Variants in PAX5 observed in about 807,000 individuals in gnomAD.
The protein encoded by PAX5 is paired box 5.
A neutral mutation model predicts 43.7 loss-of-function variants in PAX5; 9 were observed. That is an observed-to-expected ratio of 0.21 (90% CI 0.12 to 0.36). PAX5 has a LOEUF of 0.36. Ranked by LOEUF, PAX5 falls within the 10% of genes least tolerant of loss-of-function variation. The pLI is 1.00. For synonymous variants in PAX5, 228 were observed against 214.3 expected (o/e 1.06, Z -0.56); for missense variants, 383 against 532.7 (o/e 0.72, Z 2.77).
At chr9:36,949,819 C>T (rs1232898062) in intron 6 of PAX5, among the ~76,000 whole-genome samples, 4 of 152,310 alleles carry the variant, frequency 2.6e-5, no homozygotes, top group South Asian at 4.1e-4. Context: ...CCTACCACAG[C>T]ATCTCCTCAG....
intron 8 of PAX5, among the ~76,000 whole-genome samples, chr9:36,854,245 A>C (rs1302144044): frequency 6.6e-6 from 1 of 152,222 alleles, no homozygotes; most frequent in Non-Finnish European, 1.5e-5. Flanking sequence ...TTGCGGGACC[A>C]AACTGTTGAC....
intron 3 of PAX5, among the ~76,000 whole-genome samples, chr9:37,008,677 T>C (rs1355513768): frequency 6.6e-6 from 1 of 152,174 alleles, no homozygotes; most frequent in African/African-American, 2.4e-5. Context: ...CCTGGCTACT[T>C]GAGCTCAGCA....
intron 7 of PAX5, among the ~76,000 whole-genome samples, chr9:36,892,697 C>T (rs1827506419): frequency 6.6e-6 from 1 of 152,198 alleles, no homozygotes; most frequent in Admixed American, 6.5e-5. Flanking sequence ...CAAGATATTT[C>T]ATGGGAAGGA....
Position 36,869,576 on chromosome 9 carries a change from CTG to C in PAX5, c.1012+12426_1012+12427del, listed in dbSNP as rs1315654651. On this transcript the variant is annotated intron_variant, in intron 8 of 9. Coordinates refer to ENST00000358127, the MANE Select transcript of PAX5 (RefSeq NM_016734.3). ...TACTGTACAGAGATTCCAAGCCCCT[CTG>C]TGTCTGACATCCCCAGTCTAGGCTC... Among the ~76,000 whole-genome samples the C allele has an allele frequency of 6.6e-5, 10 of 152,368 alleles. No individual in the cohort carries two copies. The East Asian group carries it at 1.9e-3, about 29-fold the overall frequency.
In PAX5 at chr9:36,923,106, C is replaced by G. The variant is rs923059395; in HGVS notation, c.910+249G>C. 8 of 449,436 alleles carry G rather than the reference C, an allele frequency of 1.8e-5. No individual in the cohort carries two copies. In the Admixed American group the frequency reaches 2.6e-4, roughly 14 times the overall value. 27.8% of individuals were successfully genotyped at this position (449,436 alleles called of 1,614,324 possible). The stretch of plus-strand genomic sequence containing the variant: ...GGCATGAGGTTTCCTGCCCCCTACC[C>G]CAAGTCCCCTCCAGCCCACAGTCCA... On this transcript the variant is annotated intron_variant, in intron 7 of 9. Transcript: ENST00000358127.
Position 36,979,347 on chromosome 9 carries a change from C to G in PAX5, c.605-12623G>C, listed in dbSNP as rs76300525. Among the ~76,000 whole-genome samples the G allele has an allele frequency of 6.6e-3, 1,002 of 152,306 alleles. 9 individuals are homozygous for G. The highest frequency in any genetic ancestry group is 0.023 in the African/African-American group (940 of 41,554). Reference sequence around the variant, plus strand: ...ACAAGCACAAATTATAAGAAGGGCTCTTCATTATTCATGGAAGCACAATTA... The same window carrying G: ...ACAAGCACAAATTATAAGAAGGGCTGTTCATTATTCATGGAAGCACAATTA... On this transcript the variant is annotated intron_variant, in intron 5 of 9. Transcript: ENST00000358127.
chr9:36,839,205 C>G lies in PAX5; in HGVS notation c.*1355G>C. 4.3e-6 allele frequency: 1 copy of G among 233,654 alleles called. No individual in the cohort carries two copies. The highest frequency in any genetic ancestry group is 6.0e-5 in the East Asian group (1 of 16,592). The allele number at this position is 233,654 out of a possible 1,614,324, so 14.5% of individuals were successfully genotyped here. A position where few individuals can be genotyped will look rare whatever the true frequency, so the allele number is the denominator to read the frequency against. Reference sequence around the variant, plus strand: ...CCTCCCTCAGGAGGCCTTCCTCTGTCCCCCAGATCTTCCCTGCTGGCTTCC... The same window carrying G: ...CCTCCCTCAGGAGGCCTTCCTCTGTGCCCCAGATCTTCCCTGCTGGCTTCC... On this transcript the variant is annotated 3_prime_UTR_variant, in exon 10 of 10. Transcript: ENST00000358127.
At chr9:36,963,734 T>C (rs1834169673) in intron 6 of PAX5, among the ~76,000 whole-genome samples, 1 of 152,166 alleles carries the variant, frequency 6.6e-6, no homozygotes, top group Non-Finnish European at 1.5e-5. Context: ...TGAGTCTCCA[T>C]GACGGTCATG....
chr9:36,920,127 T>C (rs1830047557), intron 7 of PAX5, among the ~76,000 whole-genome samples: 1 of 152,174 alleles, frequency 6.6e-6, no homozygotes, highest in African/African-American at 2.4e-5. Context: ...AGAAAGTGGT[T>C]TCTTAAGATG....
At chr9:36,910,295 G>C (rs1829160233) in intron 7 of PAX5, among the ~76,000 whole-genome samples, 1 of 151,978 alleles carries the variant, frequency 6.6e-6, no homozygotes, top group Non-Finnish European at 1.5e-5. Flanking sequence ...TTACGCAAAG[G>C]CAGCATGCTG....
intron 4 of PAX5, among the ~76,000 whole-genome samples, chr9:37,003,095 A>G (rs1316772042): frequency 6.8e-6 from 1 of 146,646 alleles, no homozygotes; most frequent in Non-Finnish European, 1.5e-5. Flanking sequence ...CCATGGATGC[A>G]GGAAGCAGGG....
chr9:36,994,120 A>G (rs1837185484), intron 5 of PAX5, among the ~76,000 whole-genome samples: 1 of 152,166 alleles, frequency 6.6e-6, no homozygotes, highest in African/African-American at 2.4e-5. Flanking sequence ...GCACTAGGGA[A>G]AGGCCCCAGG....
chr9:36,953,933 C>T (rs370796769), intron 6 of PAX5, among the ~76,000 whole-genome samples: 7 of 152,068 alleles, frequency 4.6e-5, no homozygotes, highest in African/African-American at 1.7e-4. Context: ...ATTAGCCAGG[C>T]GTGGTGGTGC....
At chr9:36,870,858 C>CA (rs753855219) in intron 8 of PAX5, among the ~76,000 whole-genome samples, 16 of 152,240 alleles carry the variant, frequency 1.1e-4, no homozygotes, top group Non-Finnish European at 2.2e-4. Flanking sequence ...CATTGGGCCC[C>CA]AAGCCCCTCA....
intron 9 of PAX5, among the ~76,000 whole-genome samples, chr9:36,841,760 C>T (rs1822075936): frequency 1.3e-5 from 2 of 152,214 alleles, no homozygotes; most frequent in Admixed American, 6.5e-5. Context: ...ATTCACCACT[C>T]ATTTCCTGAC....
intron 8 of PAX5, among the ~76,000 whole-genome samples, chr9:36,860,705 G>C (rs1423771189): frequency 6.6e-6 from 1 of 152,142 alleles, no homozygotes; most frequent in Admixed American, 6.5e-5. Context: ...CTCTGAAATG[G>C]GGCCCCTAAG....
rs2812326 is a variant in PAX5 at position 36,834,280 on chromosome 9, T to A, written c.*6280A>T. The A allele has an allele frequency of 0.011, 2,655 of 233,280 alleles. 72 individuals carry two copies. Among genetic ancestry groups the A allele is most frequent in the African/African-American group, 0.053 (2,412 of 45,434 alleles). The allele number at this position is 233,280 out of a possible 1,614,324, so 14.5% of individuals were successfully genotyped here. A position where few individuals can be genotyped will look rare whatever the true frequency, so the allele number is the denominator to read the frequency against. ...GCCAGGGGATGGGCCTGCCTCTTCCTGAGCCCCGGGACAGGCTGCTGCCGG... is the reference window on the plus strand; with the variant it reads ...GCCAGGGGATGGGCCTGCCTCTTCCAGAGCCCCGGGACAGGCTGCTGCCGG... On this transcript the variant is annotated 3_prime_UTR_variant, in exon 10 of 10. Coordinates refer to ENST00000358127, the MANE Select transcript of PAX5 (RefSeq NM_016734.3).
intron 7 of PAX5, among the ~76,000 whole-genome samples, chr9:36,896,640 G>A (rs975110069): frequency 1.2e-4 from 18 of 152,094 alleles, no homozygotes; most frequent in African/African-American, 2.7e-4. Context: ...CAGAATCACC[G>A]GCTGCTTTTG....
intron 4 of PAX5, among the ~76,000 whole-genome samples, chr9:37,004,656 A>T (rs1366816087): frequency 6.6e-6 from 1 of 152,230 alleles, no homozygotes; most frequent in Non-Finnish European, 1.5e-5. Flanking sequence ...CTTAAAATAG[A>T]TTTATGCAAA....
Sources: allele counts gnomAD v4.1 joint callset (sites outside exome capture counted in the v4.1 genomes callset), GRCh38; gene constraint gnomAD v4.1.1; transcripts MANE v1.5; gene names NCBI Gene and HGNC (gene_info 2026-07-23, HGNC 2026-07-21).